Variants in TRABD2B observed in about 807,000 individuals in gnomAD.
TRABD2B encodes metalloprotease TIKI2.
A neutral mutation model predicts 40.1 loss-of-function variants in TRABD2B; 14 were observed. The ratio of observed to expected loss-of-function variants is 0.35; its 90% CI spans 0.23 to 0.55. TRABD2B has a LOEUF of 0.55. Among genes scored for constraint, TRABD2B ranks in the 20% least tolerant of loss-of-function variants. The probability of loss-of-function intolerance (pLI) is 0.90; values close to 1 mark genes in which losing one functional copy is unlikely to be tolerated. For synonymous variants in TRABD2B, 263 were observed against 277.0 expected (o/e 0.95, Z 0.50); for missense variants, 541 against 648.6 (o/e 0.83, Z 1.80).
intron 2 of TRABD2B, among the ~76,000 whole-genome samples, chr1:47,913,205 C>T (rs1409882173): frequency 1.3e-5 from 2 of 152,154 alleles, no homozygotes; most frequent in South Asian, 4.1e-4. Context: ...TACAGTTCCT[C>T]GTAGCTCCCA....
Position 47,761,463 on chromosome 1 carries a change from A to G in TRABD2B, c.*4439T>C, listed in dbSNP as rs7543124. On this transcript the variant is annotated 3_prime_UTR_variant, in exon 7 of 7. Coordinates refer to ENST00000606738, the MANE Select transcript of TRABD2B (RefSeq NM_001194986.2). ...GGCAGCAGTCAAGCCCAGCTGGGTCATTGAAGGGGGCGCTGTGAGGGGTGG... is the reference window on the plus strand; with the variant it reads ...GGCAGCAGTCAAGCCCAGCTGGGTCGTTGAAGGGGGCGCTGTGAGGGGTGG... 98,630 of 152,132 alleles carry G rather than the reference A, an allele frequency of 0.65. 32,434 individuals carry two copies. Among genetic ancestry groups the G allele is most frequent in the East Asian group, 0.97 (4,997 of 5,160 alleles). The allele number at this position is 152,132 out of a possible 1,614,324, so 9.4% of individuals were successfully genotyped here.
chr1:47,926,747 A>G (rs1275034512), intron 2 of TRABD2B, among the ~76,000 whole-genome samples: 3 of 152,146 alleles, frequency 2.0e-5, no homozygotes, highest in Non-Finnish European at 4.4e-5. Flanking sequence ...AAGGAGGCCA[A>G]GAGGAATTCC....
intron 2 of TRABD2B, among the ~76,000 whole-genome samples, chr1:47,872,355 C>A (rs1032600785): frequency 2.0e-5 from 3 of 152,142 alleles, no homozygotes; most frequent in Non-Finnish European, 4.4e-5. Flanking sequence ...ACCTCATAGA[C>A]CTCACTGGCT....
intron 2 of TRABD2B, among the ~76,000 whole-genome samples, chr1:47,863,700 A>G (rs913421593): frequency 1.3e-5 from 2 of 152,072 alleles, no homozygotes; most frequent in Non-Finnish European, 2.9e-5. Flanking sequence ...AGGTCTTACA[A>G]AATTAAACAC....
At chr1:47,897,529 G>T (rs1245546795) in intron 2 of TRABD2B, among the ~76,000 whole-genome samples, 2 of 152,142 alleles carry the variant, frequency 1.3e-5, no homozygotes, top group African/African-American at 2.4e-5. Context: ...GAAGATTTTT[G>T]ATGTGTTTTG....
chr1:47,909,845 TTGTGGGTTG>T (rs568143789), intron 2 of TRABD2B, among the ~76,000 whole-genome samples: 123,553 of 123,576 alleles, frequency 1, 61,776 homozygotes, highest in Middle Eastern at 1. Flanking sequence ...TCTTTCTTTC[TTGTGGGTTG>T]TATTTATGTA....
At chr1:47,811,163 G>C (rs1380066298) in intron 2 of TRABD2B, among the ~76,000 whole-genome samples, 6 of 152,106 alleles carry the variant, frequency 3.9e-5, no homozygotes, top group South Asian at 2.1e-4. Flanking sequence ...AGAAGAACGT[G>C]GGGGGAGCTG....
intron 2 of TRABD2B, among the ~76,000 whole-genome samples, chr1:47,847,215 A>G (rs1456020313): frequency 6.6e-6 from 1 of 152,196 alleles, no homozygotes; most frequent in Non-Finnish European, 1.5e-5. Flanking sequence ...CACTACCTCA[A>G]CTGAAAAGCT....
Position 47,765,598 on chromosome 1 carries a change from A to C in TRABD2B, c.*304T>G. On this transcript the variant is annotated 3_prime_UTR_variant, in exon 7 of 7. Transcript: ENST00000606738. ...CGGGTTCCCCTCCCGGGCCAGCACT[A>C]GGGCTAGGGGGTTATAACACAGGCC... The C allele has an allele frequency of 2.5e-6, 1 of 396,900 alleles. No individual in the cohort carries two copies. Among genetic ancestry groups the C allele is most frequent in the Non-Finnish European group, 4.7e-6 (1 of 214,544 alleles). The allele number at this position is 396,900 out of a possible 1,614,324, so 24.6% of individuals were successfully genotyped here.
intron 2 of TRABD2B, among the ~76,000 whole-genome samples, chr1:47,981,591 C>T (rs1253386570): frequency 1.3e-5 from 2 of 152,154 alleles, no homozygotes; most frequent in Non-Finnish European, 2.9e-5. Flanking sequence ...TCAACCCCAC[C>T]CCCTTCCCCA....
intron 2 of TRABD2B, among the ~76,000 whole-genome samples, chr1:47,814,500 G>T (rs558502351): frequency 2.0e-5 from 3 of 152,178 alleles, no homozygotes; most frequent in Non-Finnish European, 2.9e-5. Context: ...AGGAAGGGAG[G>T]GGCAGATTAG....
chr1:47,823,835 C>G (rs191802468), intron 2 of TRABD2B, among the ~76,000 whole-genome samples: 1 of 152,214 alleles, frequency 6.6e-6, no homozygotes, highest in Non-Finnish European at 1.5e-5. Context: ...TACTTCAGAA[C>G]TCTTTCTGTG....
chr1:47,912,535 T>C (rs1022174174), intron 2 of TRABD2B, among the ~76,000 whole-genome samples: 7 of 152,208 alleles, frequency 4.6e-5, no homozygotes, highest in Admixed American at 4.6e-4. Flanking sequence ...CACCTGGGAT[T>C]TCCCAAAAAT....
At chr1:47,913,986 CTG>C (rs1167060860) in intron 2 of TRABD2B, among the ~76,000 whole-genome samples, 2 of 152,216 alleles carry the variant, frequency 1.3e-5, no homozygotes, top group East Asian at 1.9e-4. Context: ...AGGCTGGGGC[CTG>C]TGTCATTGGC....
At chr1:47,922,288 C>T (rs554807382) in intron 2 of TRABD2B, among the ~76,000 whole-genome samples, 100 of 152,318 alleles carry the variant, frequency 6.6e-4, no homozygotes, top group African/African-American at 2.3e-3. Context: ...ATCAACAAGC[C>T]TTGGCCCAGG....
chr1:47,981,833 T>G (rs1406232847), intron 2 of TRABD2B, among the ~76,000 whole-genome samples: 1 of 152,216 alleles, frequency 6.6e-6, no homozygotes, highest in Non-Finnish European at 1.5e-5. Context: ...AAAGGCCTTC[T>G]CAGACTTGAT....
intron 2 of TRABD2B, among the ~76,000 whole-genome samples, chr1:47,874,984 C>CA (rs1644203166): frequency 6.6e-6 from 1 of 152,248 alleles, no homozygotes; most frequent in African/African-American, 2.4e-5. Context: ...CTCCTCAACT[C>CA]AGTCTGTCCT....
At chr1:47,971,546 G>A (rs1645682612) in intron 2 of TRABD2B, among the ~76,000 whole-genome samples, 1 of 152,208 alleles carries the variant, frequency 6.6e-6, no homozygotes, top group African/African-American at 2.4e-5. Flanking sequence ...AGGTAGGCCT[G>A]CCCAGCCCTA....
chr1:47,832,665 G>A (rs1645266426), intron 2 of TRABD2B, among the ~76,000 whole-genome samples: 1 of 152,134 alleles, frequency 6.6e-6, no homozygotes, highest in Non-Finnish European at 1.5e-5. Flanking sequence ...ATAATAGTAG[G>A]GACTAACATT....
Sources: allele counts gnomAD v4.1 joint callset (sites outside exome capture counted in the v4.1 genomes callset), GRCh38; gene constraint gnomAD v4.1.1; transcripts MANE v1.5; gene names NCBI Gene and HGNC (gene_info 2026-07-23, HGNC 2026-07-21).